PIGN: variants seen among roughly 807,000 people sequenced by gnomAD.
The protein encoded by PIGN is GPI ethanolamine phosphate transferase 1.
A neutral mutation model predicts 125.4 loss-of-function variants in PIGN; 117 were observed. The ratio of observed to expected loss-of-function variants is 0.93; its 90% CI spans 0.80 to 1.09. PIGN has a LOEUF of 1.09. PIGN is among the 50% of genes least tolerant of loss of function. PIGN has a pLI of 0.00. For synonymous variants in PIGN, 392 were observed against 377.8 expected (o/e 1.04, Z -0.44); for missense variants, 1,075 against 1,094.9 (o/e 0.98, Z 0.26).
At chr18:62,157,368 C>A in intron 5 of PIGN, 141 bp from the exon 6 acceptor site, 2 of 533,712 alleles carry the variant, frequency 3.7e-6, no homozygotes, top group Non-Finnish European at 3.3e-6. Context: ...CATATTATAC[C>A]ACTATTTAAA....
intron 23 of PIGN, among the ~76,000 whole-genome samples, chr18:62,031,947 T>A (rs1424250945): frequency 6.6e-6 from 1 of 152,204 alleles, no homozygotes; most frequent in African/African-American, 2.4e-5. Context: ...CTCTTAAGGC[T>A]CTCGGGGTGG....
chr18:62,160,572 A>G (rs1000685403), intron 4 of PIGN, among the ~76,000 whole-genome samples: 1 of 150,948 alleles, frequency 6.6e-6, no homozygotes, highest in Non-Finnish European at 1.5e-5. Flanking sequence ...GCTGGAGTGC[A>G]ATGGCACCAT....
intron 11 of PIGN, 122 bp downstream of exon 11, chr18:62,143,184 T>C: frequency 3.2e-6 from 2 of 623,000 alleles, no homozygotes; most frequent in East Asian, 3.1e-5. Context: ...TTCCCCTTAG[T>C]AACTGAAATG....
At chr18:62,137,406 G>A (rs2035974881) in intron 14 of PIGN, 1 of 302,364 alleles carries the variant, frequency 3.3e-6, no homozygotes, top group Admixed American at 5.1e-5. Context: ...GATTATGTGA[G>A]TCAATACTCC....
Position 62,157,228 on chromosome 18 carries a change from C to A in PIGN, c.344-1G>T, listed in dbSNP as rs776568529. 3.2e-6 allele frequency: 5 copies of A among 1,547,226 alleles called. No homozygotes were observed. The highest frequency in any genetic ancestry group is 4.5e-6 in the Non-Finnish European group (5 of 1,123,202). ...AACTCTACAGGATTTTCCTTCCATCCTTCAGAAAGCAAGCAAGCAGTAATA... is the reference window on the plus strand; with the variant it reads ...AACTCTACAGGATTTTCCTTCCATCATTCAGAAAGCAAGCAAGCAGTAATA... On this transcript the variant is annotated splice_acceptor_variant, in intron 5 of 30. Coordinates refer to ENST00000640252, the MANE Select transcript of PIGN (RefSeq NM_176787.5). LOFTEE classifies it high-confidence loss of function.
chr18:62,054,489 ATTTTTTTTTTTT>A (rs367909088), intron 30 of PIGN, among the ~76,000 whole-genome samples: 1 of 117,312 alleles, frequency 8.5e-6, no homozygotes, highest in African/African-American at 3.2e-5. Flanking sequence ...TTTTTTTCCT[ATTTTTTTTTTTT>A]TTTTTTTTTA....
chr18:62,120,409 A>G, intron 14 of PIGN, among the ~76,000 whole-genome samples: 1 of 152,198 alleles, frequency 6.6e-6, no homozygotes, highest in Non-Finnish European at 1.5e-5. Context: ...AATGTCTTTC[A>G]CTGGCAAATA....
intron 28 of PIGN, among the ~76,000 whole-genome samples, chr18:62,081,835 G>C (rs966813261): frequency 2.6e-5 from 4 of 151,992 alleles, no homozygotes; most frequent in Non-Finnish European, 4.4e-5. Context: ...AACTAGAAAT[G>C]AGATTTCTAG....
In PIGN at chr18:62,088,797, G is replaced by A. The variant is rs927198220; in HGVS notation, c.2329C>T (p.Arg777Ter). The A allele has an allele frequency of 2.9e-5, 45 of 1,564,074 alleles. No individual in the cohort carries two copies. The highest frequency in any genetic ancestry group is 2.0e-4 in the South Asian group (17 of 84,892). The stretch of plus-strand genomic sequence containing the variant: ...CGGATGTCATCCAGATATAGCTGTC[G>A]AAACTGAGTTATATCAGTATTATAA... ...FSYNTDITQF[R>*]QLYLDDIRRA... Residue 777 changes from arginine (R) to a stop codon, truncating the protein, a stop_gained, in exon 25 of 31, where the codon CGA becomes TGA. Transcript: ENST00000640252. LOFTEE classifies it high-confidence loss of function.
In PIGN at chr18:62,154,617, A is replaced by T. The variant is rs1487409202; in HGVS notation, c.477T>A (p.Tyr159Ter). 6.3e-7 allele frequency: 1 copy of T among 1,580,684 alleles called. No homozygotes were observed. Among genetic ancestry groups the T allele is most frequent in the Non-Finnish European group, 8.7e-7 (1 of 1,151,270 alleles). ...CACCAAAATCCTCTCTTTTAGCATC[A>T]TAACTATATGTATAAACGTGGTCTC... ...ASGDHVYTYS[Y>*]DAKREDFGAQ... The change falls in exon 7 of 31, where the codon TAT becomes TAA. Residue 159 changes from tyrosine (Y) to a stop codon, truncating the protein, a stop_gained. Coordinates refer to ENST00000640252, the MANE Select transcript of PIGN (RefSeq NM_176787.5). LOFTEE classifies it high-confidence loss of function.
intron 16 of PIGN, chr18:62,112,665 A>G (rs1279216086): frequency 6.5e-6 from 1 of 154,338 alleles, no homozygotes; most frequent in African/African-American, 2.4e-5. Flanking sequence ...AAAAAGTTAA[A>G]AGAAGGTAAG....
chr18:62,026,887 T>C (rs1386726476), intron 23 of PIGN, among the ~76,000 whole-genome samples: 1 of 152,142 alleles, frequency 6.6e-6, no homozygotes, highest in East Asian at 1.9e-4. Context: ...ATGTTTCCTT[T>C]GAGGGACAAG....
chr18:62,185,777 C>A (rs932551276), intron 1 of PIGN, among the ~76,000 whole-genome samples: 1 of 123,782 alleles, frequency 8.1e-6, no homozygotes, highest in African/African-American at 2.8e-5. Context: ...AATTCCTTTA[C>A]CTTTTCAGAT....
In PIGN at chr18:62,154,540, C is replaced by T; in HGVS notation, c.549+5G>A. ...TTTGTATATTAACCACTCAATAGCA[C>T]AAACCTTAACATTATCAAAAACCCA... On this transcript the variant is annotated splice_donor_5th_base_variant and intron_variant, in intron 7 of 30. Transcript: ENST00000640252. 1 of 1,381,292 alleles carries T rather than the reference C, an allele frequency of 7.2e-7. No homozygotes were observed. The highest frequency in any genetic ancestry group is 1.0e-6 in the Non-Finnish European group (1 of 970,674). 85.6% of individuals were successfully genotyped at this position (1,381,292 alleles called of 1,614,324 possible).
At chr18:62,121,416 A>T (rs1401576763) in intron 14 of PIGN, among the ~76,000 whole-genome samples, 1 of 152,184 alleles carries the variant, frequency 6.6e-6, no homozygotes, top group Non-Finnish European at 1.5e-5. Context: ...CTAAAAGCTG[A>T]TAATCTATTG....
At chr18:62,090,326 TAA>T in intron 24 of PIGN, 148 bp downstream of exon 24, 1 of 541,408 alleles carries the variant, frequency 1.8e-6, no homozygotes, top group East Asian at 3.3e-5. Flanking sequence ...TATCTATTAT[TAA>T]GTTTAACTTA....
intron 30 of PIGN, chr18:62,051,777 C>T (rs1435868881): frequency 2.6e-5 from 4 of 152,128 alleles, no homozygotes; most frequent in East Asian, 1.9e-4. Context: ...TTTTCTAGTT[C>T]GTTCAATTGT....
At chr18:62,018,485 C>T (rs539767914) in intron 23 of PIGN, among the ~76,000 whole-genome samples, 1 of 152,206 alleles carries the variant, frequency 6.6e-6, no homozygotes, top group Non-Finnish European at 1.5e-5. Context: ...CCAGGACTTG[C>T]AGAAGCATCG....
At chr18:62,175,331 C>CA (rs1481301051) in intron 1 of PIGN, among the ~76,000 whole-genome samples, 1 of 151,956 alleles carries the variant, frequency 6.6e-6, no homozygotes, top group Non-Finnish European at 1.5e-5. Context: ...AATTGTAGAA[C>CA]ATTTCACTTG....
Sources: allele counts gnomAD v4.1 joint callset (sites outside exome capture counted in the v4.1 genomes callset), GRCh38; gene constraint gnomAD v4.1.1; transcripts MANE v1.5; gene names NCBI Gene and HGNC (gene_info 2026-07-23, HGNC 2026-07-21).